The following ZFHX3 variants were observed in gnomAD, a reference collection of about 807,000 sequenced individuals.
ZFHX3 encodes zinc finger homeobox 3.
Under a neutral mutation model 279.1 loss-of-function variants are expected in ZFHX3, and 42 were observed. The observed-to-expected ratio is 0.15, with a 90% CI of 0.12 to 0.19. The LOEUF is 0.19. Among genes scored for constraint, ZFHX3 ranks in the 10% least tolerant of loss-of-function variants. The probability of loss-of-function intolerance (pLI) is 1.00; values close to 1 mark genes in which losing one functional copy is unlikely to be tolerated. For synonymous variants in ZFHX3, 2,293 were observed against 1,957.8 expected (o/e 1.17, Z -4.52); for missense variants, 4,981 against 4,754.0 (o/e 1.05, Z -1.40).
At chr16:73,237,539 T>A (rs1008066267) in intron 5 of ZFHX3, among the ~76,000 whole-genome samples, 24 of 147,920 alleles carry the variant, frequency 1.6e-4, no homozygotes, top group Admixed American at 2.7e-4. Context: ...TTTTTTTTTT[T>A]TTTTTTTTTT....
At chr16:72,947,189 G>A (rs72795125) in intron 3 of ZFHX3, among the ~76,000 whole-genome samples, 41,832 of 152,178 alleles carry the variant, frequency 0.27, 7,061 homozygotes, top group Non-Finnish European at 0.36. Flanking sequence ...GGCTTCCCCC[G>A]GATGCCTCGG....
At chr16:73,488,126 A>G (rs2019004634) in intron 2 of ZFHX3, among the ~76,000 whole-genome samples, 2 of 152,194 alleles carry the variant, frequency 1.3e-5, no homozygotes, top group Non-Finnish European at 2.9e-5. Context: ...TAACTGGTAC[A>G]AGGTCCTCAC....
intron 7 of ZFHX3, among the ~76,000 whole-genome samples, chr16:73,124,190 A>G (rs1477722230): frequency 1.3e-5 from 2 of 152,194 alleles, no homozygotes. Flanking sequence ...TAAACTGGGT[A>G]GCTTTTAAGC....
At chr16:73,378,662 C>T (rs2016766758) in intron 3 of ZFHX3, among the ~76,000 whole-genome samples, 1 of 152,240 alleles carries the variant, frequency 6.6e-6, no homozygotes. Flanking sequence ...CCTCAGTATT[C>T]TCTTCCACCA....
At chr16:73,047,242 A>G (rs1033211749) in intron 1 of ZFHX3, among the ~76,000 whole-genome samples, 2 of 152,140 alleles carry the variant, frequency 1.3e-5, no homozygotes, top group African/African-American at 4.8e-5. Context: ...GCCCAAGGAA[A>G]TAAATGCTCT....
At chr16:72,821,222 C>T (rs1164565825) in intron 5 of ZFHX3, among the ~76,000 whole-genome samples, 2 of 152,068 alleles carry the variant, frequency 1.3e-5, no homozygotes, top group East Asian at 3.9e-4. Flanking sequence ...AGTCAGGTTC[C>T]ACAGGAAAAT....
chr16:73,692,072 T>C (rs912983573), intron 1 of ZFHX3, among the ~76,000 whole-genome samples: 2 of 152,212 alleles, frequency 1.3e-5, no homozygotes, highest in African/African-American at 4.8e-5. Context: ...CACTGCTTTG[T>C]CTGAAATCCT....
chr16:73,142,318 T>C (rs1966849596), intron 6 of ZFHX3, among the ~76,000 whole-genome samples: 1 of 152,316 alleles, frequency 6.6e-6, no homozygotes, highest in South Asian at 2.1e-4. Flanking sequence ...GCACTGGGCA[T>C]GTTGTTTTAA....
chr16:72,967,563 C>G (rs1042974982), intron 1 of ZFHX3, among the ~76,000 whole-genome samples: 6 of 151,930 alleles, frequency 3.9e-5, no homozygotes, highest in Non-Finnish European at 8.8e-5. Flanking sequence ...TGATAACCAT[C>G]ATCATCTTCA....
chr16:72,935,767 A>C (rs1424787603), intron 3 of ZFHX3, among the ~76,000 whole-genome samples: 2 of 152,048 alleles, frequency 1.3e-5, no homozygotes, highest in Non-Finnish European at 2.9e-5. Flanking sequence ...TTTGCCATCA[A>C]ATCATCAGGC....
intron 3 of ZFHX3, among the ~76,000 whole-genome samples, chr16:72,913,819 G>T (rs2039377293): frequency 6.6e-6 from 1 of 152,194 alleles, no homozygotes; most frequent in Non-Finnish European, 1.5e-5. Context: ...AGAGTTTGTT[G>T]TCTTTGTTTT....
intron 3 of ZFHX3, among the ~76,000 whole-genome samples, chr16:73,447,603 A>G (rs925056954): frequency 3.9e-5 from 6 of 152,290 alleles, no homozygotes; most frequent in Admixed American, 1.3e-4. Context: ...GAAAAGGAGC[A>G]GAGTCCCTGG....
At chr16:73,036,189 G>C in intron 1 of ZFHX3, among the ~76,000 whole-genome samples, 1 of 152,204 alleles carries the variant, frequency 6.6e-6, no homozygotes. Context: ...GGCTGCGGGA[G>C]GAAGGTGCAG....
intron 1 of ZFHX3, among the ~76,000 whole-genome samples, chr16:73,769,764 G>C (rs999708808): frequency 2.0e-5 from 3 of 152,102 alleles, no homozygotes; most frequent in African/African-American, 7.2e-5. Flanking sequence ...TCCTACAAAT[G>C]TACCCAGGGT....
In ZFHX3 at chr16:73,533,662, A is replaced by G. The variant is rs114374483; in HGVS notation, c.-1546-77404T>C. Among the ~76,000 whole-genome samples, 299 of 152,248 alleles carry G rather than the reference A, an allele frequency of 2.0e-3. 6 individuals carry two copies. The highest frequency in any genetic ancestry group is 6.9e-3 in the African/African-American group (288 of 41,538). On this transcript the variant is annotated intron_variant, in intron 2 of 17. Transcript: ENST00000641206. ...ATTTTTAATAGACCTCTGAAAATCA[A>G]TTAAGTCCAACTGTTTTTCTCCTCT...
At chr16:73,560,815 T>C (rs923027038) in intron 2 of ZFHX3, among the ~76,000 whole-genome samples, 20 of 152,212 alleles carry the variant, frequency 1.3e-4, no homozygotes, top group African/African-American at 4.8e-4. Flanking sequence ...CGCTGCTACT[T>C]AATAGCACCT....
intron 3 of ZFHX3, among the ~76,000 whole-genome samples, chr16:73,360,995 A>G (rs1420916131): frequency 6.6e-6 from 1 of 152,178 alleles, no homozygotes; most frequent in Non-Finnish European, 1.5e-5. Context: ...AAAAGCAAAA[A>G]CACACACATA....
chr16:73,847,440 C>T (rs1198244742), intron 1 of ZFHX3, among the ~76,000 whole-genome samples: 2 of 152,116 alleles, frequency 1.3e-5, no homozygotes, highest in Non-Finnish European at 2.9e-5. Context: ...GAGAACAGCA[C>T]CCTTGGCAGG....
At chr16:73,288,978 T>C (rs960976816) in intron 4 of ZFHX3, among the ~76,000 whole-genome samples, 4 of 146,628 alleles carry the variant, frequency 2.7e-5, no homozygotes, top group South Asian at 2.3e-4. Context: ...TTTTATGATC[T>C]AGGATGCTGT....
Sources: allele counts gnomAD v4.1 joint callset (sites outside exome capture counted in the v4.1 genomes callset), GRCh38; gene constraint gnomAD v4.1.1; transcripts MANE v1.5; gene names NCBI Gene and HGNC (gene_info 2026-07-23, HGNC 2026-07-21).